Variants in CSMD1 observed in about 807,000 individuals in gnomAD.
CSMD1 encodes CUB and sushi domain-containing protein 1.
In CSMD1, 213 loss-of-function variants were observed where a neutral mutation model predicts 417.5. That is an observed-to-expected ratio of 0.51 (90% CI 0.46 to 0.57). CSMD1 has a LOEUF of 0.57. Ranked by LOEUF, CSMD1 falls within the 20% of genes least tolerant of loss-of-function variation. CSMD1 has a pLI of 0.00. For missense variants in CSMD1, 6,923 were observed against 4,529.7 expected (o/e 1.53, Z -15.17); for synonymous variants, 2,862 against 1,736.8 (o/e 1.65, Z -16.11).
At chr8:3,839,480 T>C (rs934161426) in intron 5 of CSMD1, among the ~76,000 whole-genome samples, 7 of 125,052 alleles carry the variant, frequency 5.6e-5, no homozygotes, top group Non-Finnish European at 9.6e-5. Flanking sequence ...TATAATTATA[T>C]TATATATTTA....
intron 37 of CSMD1, among the ~76,000 whole-genome samples, chr8:3,166,627 A>G (rs150119654): frequency 3.3e-5 from 5 of 152,310 alleles, no homozygotes; most frequent in African/African-American, 1.2e-4. Context: ...ATTGATTGAA[A>G]GTGATCTCTC....
At chr8:3,421,003 TA>T (rs1031790933) in intron 12 of CSMD1, among the ~76,000 whole-genome samples, 1 of 152,010 alleles carries the variant, frequency 6.6e-6, no homozygotes, top group East Asian at 1.9e-4. Flanking sequence ...TGTAGATTAT[TA>T]AAAAAAAGAC....
intron 10 of CSMD1, among the ~76,000 whole-genome samples, chr8:3,499,832 G>T (rs143128104): frequency 2.4e-3 from 371 of 152,198 alleles, no homozygotes; most frequent in African/African-American, 8.6e-3. Context: ...GGCCCTGTGG[G>T]CAGGATGTAC....
At chr8:3,060,805 G>C (rs140015331) in intron 49 of CSMD1, among the ~76,000 whole-genome samples, 1,756 of 152,170 alleles carry the variant, frequency 0.012, 38 homozygotes, top group African/African-American at 0.04. Flanking sequence ...TTTGTGAATG[G>C]GATTAGGTGT....
chr8:4,444,876 AATTG>A (rs1164050466), intron 2 of CSMD1, among the ~76,000 whole-genome samples: 4 of 152,176 alleles, frequency 2.6e-5, no homozygotes, highest in East Asian at 1.9e-4. Context: ...CAGCCAAGGT[AATTG>A]ATTGTTCAGA....
At chr8:3,478,759 C>G (rs762648471) in intron 11 of CSMD1, among the ~76,000 whole-genome samples, 1 of 152,126 alleles carries the variant, frequency 6.6e-6, no homozygotes, top group Non-Finnish European at 1.5e-5. Context: ...AACAAACATC[C>G]AAGGAAGTCT....
chr8:3,840,669 C>T (rs1351815999), intron 5 of CSMD1, among the ~76,000 whole-genome samples: 1 of 150,746 alleles, frequency 6.6e-6, no homozygotes, highest in African/African-American at 2.4e-5. Context: ...GGTCACTATA[C>T]AGTGACCTCA....
chr8:3,048,567 C>T (rs972343350), intron 50 of CSMD1, among the ~76,000 whole-genome samples: 2 of 152,068 alleles, frequency 1.3e-5, no homozygotes, highest in African/African-American at 4.8e-5. Flanking sequence ...ACCTTTTGCC[C>T]TTCAGAAAAA....
At chr8:3,945,814 C>A (rs769936834) in intron 5 of CSMD1, among the ~76,000 whole-genome samples, 2 of 152,084 alleles carry the variant, frequency 1.3e-5, no homozygotes, top group Non-Finnish European at 2.9e-5. Flanking sequence ...CACACCAACA[C>A]ACACATGAGG....
intron 60 of CSMD1, 71 bp downstream of exon 60, chr8:2,963,151 G>C (rs1015651096): frequency 7.2e-6 from 11 of 1,528,834 alleles, no homozygotes; most frequent in African/African-American, 1.4e-5. Context: ...TGTAACCTTA[G>C]GATGTGCCCT....
rs372881547 is a variant in CSMD1 at position 3,958,316 on chromosome 8, CTCTCTTT to C, written c.818+39580_818+39586del. Among the ~76,000 whole-genome samples, 253 of 128,952 alleles carry C rather than the reference CTCTCTTT, an allele frequency of 2.0e-3. 1 individual carries two copies. Among genetic ancestry groups the C allele is most frequent in the East Asian group, 0.012 (61 of 4,958 alleles). 84.6% of individuals were successfully genotyped at this position (128,952 alleles called of 152,430 possible). On this transcript the variant is annotated intron_variant, in intron 5 of 69. Transcript: ENST00000635120. ...AAAAAAAGTTTCATTTTTTTAAACT[CTCTCTTT>C]TTTTTTTTTTTTTCCAACTTGCTCT...
intron 3 of CSMD1, among the ~76,000 whole-genome samples, chr8:4,176,280 C>A (rs1798037035): frequency 6.6e-6 from 1 of 152,066 alleles, no homozygotes; most frequent in Admixed American, 6.6e-5. Context: ...AAAATGAGAA[C>A]AAAATTCTAT....
At chr8:4,156,914 G>C (rs1416956306) in intron 3 of CSMD1, among the ~76,000 whole-genome samples, 1 of 152,082 alleles carries the variant, frequency 6.6e-6, no homozygotes, top group Non-Finnish European at 1.5e-5. Flanking sequence ...TACCTCTCCG[G>C]ACATTTGTGA....
chr8:4,209,602 G>A (rs567019917), intron 3 of CSMD1, among the ~76,000 whole-genome samples: 84 of 152,046 alleles, frequency 5.5e-4, no homozygotes, highest in Non-Finnish European at 8.7e-4. Context: ...CCCTGTCCCC[G>A]TGATGCAGGA....
intron 3 of CSMD1, among the ~76,000 whole-genome samples, chr8:4,310,324 C>T (rs1172359041): frequency 6.6e-6 from 1 of 152,110 alleles, no homozygotes; most frequent in South Asian, 2.1e-4. Context: ...AGGGAAAAGG[C>T]CTCCACACTG....
intron 3 of CSMD1, among the ~76,000 whole-genome samples, chr8:4,409,305 G>GT (rs560664906): frequency 9.4e-4 from 143 of 152,126 alleles, no homozygotes; most frequent in African/African-American, 3.0e-3. Flanking sequence ...CAATATATGT[G>GT]TTTTTTCTTC....
At chr8:4,912,844 G>T (rs1178677873) in intron 1 of CSMD1, among the ~76,000 whole-genome samples, 1 of 151,968 alleles carries the variant, frequency 6.6e-6, no homozygotes, top group Non-Finnish European at 1.5e-5. Context: ...AGAGTGCAGT[G>T]GTGCAACCTT....
At chr8:4,353,379 C>T (rs1338259200) in intron 3 of CSMD1, among the ~76,000 whole-genome samples, 2 of 152,132 alleles carry the variant, frequency 1.3e-5, no homozygotes, top group African/African-American at 2.4e-5. Context: ...GAGGCCTCCC[C>T]AGCCGTGTGG....
chr8:3,402,957 C>T (rs2116884041), intron 15 of CSMD1, among the ~76,000 whole-genome samples: 1 of 152,204 alleles, frequency 6.6e-6, no homozygotes, highest in East Asian at 1.9e-4. Context: ...CATTGTTTCT[C>T]ATAGAAAGTA....
Sources: allele counts gnomAD v4.1 joint callset (sites outside exome capture counted in the v4.1 genomes callset), GRCh38; gene constraint gnomAD v4.1.1; transcripts MANE v1.5; gene names NCBI Gene and HGNC (gene_info 2026-07-23, HGNC 2026-07-21).